Variants in NEMP2 observed in about 807,000 individuals in gnomAD.
NEMP2 encodes the protein UPF0571 transmembrane protein.
A neutral mutation model predicts 54.2 loss-of-function variants in NEMP2; 53 were observed. The observed-to-expected ratio is 0.98, with a 90% confidence interval of 0.78 to 1.23. The LOEUF (loss-of-function observed/expected upper bound fraction) is 1.23. Among genes scored for constraint, NEMP2 ranks in the 50% most tolerant of loss-of-function variants. NEMP2 has a pLI of 0.00. For missense variants in NEMP2, 455 were observed against 511.3 expected (o/e 0.89, Z 1.06); for synonymous variants, 197 against 190.3 (o/e 1.04, Z -0.29).
chr2:190,475,091 A>G, the NEMP2 span, among the ~76,000 whole-genome samples: 3 of 152,164 alleles, frequency 2.0e-5, no homozygotes, highest in Non-Finnish European at 1.5e-5. Context: ...ATCTATGACA[A>G]ACCCACAGCC....
the NEMP2 span, among the ~76,000 whole-genome samples, chr2:190,601,422 C>G: frequency 6.6e-6 from 1 of 152,130 alleles, no homozygotes; most frequent in African/African-American, 2.4e-5. The surrounding 1 kb of genome is among the most constrained non-coding windows in gnomAD (Gnocchi z 5.8). Context: ...CCCTAGGAAA[C>G]TAATGCTGTG....
In NEMP2 at chr2:190,510,179, C is replaced by T. The variant is rs1239005780; in HGVS notation, c.1130+182G>A. ...AACATCAGATAAATATTTATTCTGA[C>T]ATCAGCAGTTCTACTGTGCAAAGTC... On this transcript the variant is annotated intron_variant, in intron 8 of 8. Transcript: ENST00000409150. This position sits in a 1 kb window ranked among gnomAD's most constrained non-coding sequence, Gnocchi z 5.7. Among the ~76,000 whole-genome samples the T allele has an allele frequency of 6.6e-6, 1 of 152,304 alleles. No homozygotes were observed. Among genetic ancestry groups the T allele is most frequent in the East Asian group, 1.9e-4 (1 of 5,178 alleles).
At chr2:190,504,148 C>T (rs186569132), downstream of NEMP2, among the ~76,000 whole-genome samples, 127 of 152,246 alleles carry the variant, frequency 8.3e-4, 2 homozygotes, top group Middle Eastern at 0.01. This position sits in a 1 kb window ranked among gnomAD's most constrained non-coding sequence, Gnocchi z 5.6. Context: ...TGAGAACTTA[C>T]ACACACATAG....
At chr2:190,613,641 G>A in the NEMP2 span, among the ~76,000 whole-genome samples, 2 of 152,056 alleles carry the variant, frequency 1.3e-5, no homozygotes, top group East Asian at 1.9e-4. Flanking sequence ...AGGCTGGAGT[G>A]CAAGTGGCAA....
At chr2:190,546,212 GA>G in the NEMP2 span, among the ~76,000 whole-genome samples, 2 of 147,228 alleles carry the variant, frequency 1.4e-5, no homozygotes, top group Non-Finnish European at 1.5e-5. This position sits in a 1 kb window ranked among gnomAD's most constrained non-coding sequence, Gnocchi z 5.1. Flanking sequence ...ACCACAGACA[GA>G]AAATTTTTTT....
At chr2:190,609,720 A>G in the NEMP2 span, 1 of 152,138 alleles carries the variant, frequency 6.6e-6, no homozygotes, top group Admixed American at 6.5e-5. This position sits in a 1 kb window ranked among gnomAD's most constrained non-coding sequence, Gnocchi z 4.7. Flanking sequence ...CATGATTTCT[A>G]TCATGCTTGT....
chr2:190,508,619 C>T lies in NEMP2; in HGVS notation c.*570G>A, dbSNP rs1414181403. On this transcript the variant is annotated 3_prime_UTR_variant, in exon 9 of 9. Transcript: ENST00000409150. This position sits in a 1 kb window ranked among gnomAD's most constrained non-coding sequence, Gnocchi z 4.3. Reference sequence around the variant, plus strand: ...CCCTTTGGGAGATTCACAGTGCACACGAGCATTATGAATGCCTCTGAGAGA... The same window carrying T: ...CCCTTTGGGAGATTCACAGTGCACATGAGCATTATGAATGCCTCTGAGAGA... The T allele has an allele frequency of 6.6e-6, 1 of 152,364 alleles. No individual in the cohort carries two copies. The highest frequency in any genetic ancestry group is 1.5e-5 in the Non-Finnish European group (1 of 68,154). 9.4% of individuals were successfully genotyped at this position (152,364 alleles called of 1,614,324 possible). A position where few individuals can be genotyped will look rare whatever the true frequency, so the allele number is the denominator to read the frequency against.
chr2:190,491,695 T>C, the NEMP2 span, among the ~76,000 whole-genome samples: 4 of 152,152 alleles, frequency 2.6e-5, no homozygotes, highest in African/African-American at 9.7e-5. The surrounding 1 kb of genome is among the most constrained non-coding windows in gnomAD (Gnocchi z 4.2). Flanking sequence ...TGCCATAGCC[T>C]ACCCAAATGA....
At chr2:190,631,045 T>A in the NEMP2 span, among the ~76,000 whole-genome samples, 10 of 151,602 alleles carry the variant, frequency 6.6e-5, 1 homozygote, top group East Asian at 1.5e-3. Context: ...AAAACAAATA[T>A]AAAAAATGAT....
chr2:190,485,462 G>T, the NEMP2 span, among the ~76,000 whole-genome samples: 1 of 152,084 alleles, frequency 6.6e-6, no homozygotes, highest in Non-Finnish European at 1.5e-5. This position sits in a 1 kb window ranked among gnomAD's most constrained non-coding sequence, Gnocchi z 5.1. Flanking sequence ...GTTGGATTTT[G>T]CTATTGAATC....
At chr2:190,582,497 G>A in the NEMP2 span, among the ~76,000 whole-genome samples, 1 of 152,142 alleles carries the variant, frequency 6.6e-6, no homozygotes, top group Non-Finnish European at 1.5e-5. This position sits in a 1 kb window ranked among gnomAD's most constrained non-coding sequence, Gnocchi z 4.6. Flanking sequence ...AAACTATGAT[G>A]TAAGGCTTTC....
the NEMP2 span, among the ~76,000 whole-genome samples, chr2:190,585,845 T>C: frequency 6.6e-6 from 1 of 152,162 alleles, no homozygotes; most frequent in Non-Finnish European, 1.5e-5. This position sits in a 1 kb window ranked among gnomAD's most constrained non-coding sequence, Gnocchi z 5.3. Flanking sequence ...CATCAGGCTG[T>C]TGGGCTCTAG....
chr2:190,500,274 A>AG, downstream of NEMP2: 1 of 1,588,948 alleles, frequency 6.3e-7, no homozygotes. The surrounding 1 kb of genome is among the most constrained non-coding windows in gnomAD (Gnocchi z 5.3). Flanking sequence ...GCCAGGACAC[A>AG]GGGTGAGGCC....
At chr2:190,634,585 C>T in the NEMP2 span, among the ~76,000 whole-genome samples, 1 of 152,216 alleles carries the variant, frequency 6.6e-6, no homozygotes, top group Admixed American at 6.5e-5. This position sits in a 1 kb window ranked among gnomAD's most constrained non-coding sequence, Gnocchi z 6.8. Context: ...AGTCATGATA[C>T]ATGTGAGGCC....
the NEMP2 span, among the ~76,000 whole-genome samples, chr2:190,554,264 T>C: frequency 6.6e-6 from 1 of 152,106 alleles, no homozygotes; most frequent in Non-Finnish European, 1.5e-5. The surrounding 1 kb of genome is among the most constrained non-coding windows in gnomAD (Gnocchi z 5.7). Flanking sequence ...GCAGGAGTTT[T>C]TTTTTCATAC....
At chr2:190,632,066 AAAAAGAAAAG>A in the NEMP2 span, among the ~76,000 whole-genome samples, 2 of 152,198 alleles carry the variant, frequency 1.3e-5, no homozygotes, top group Admixed American at 6.5e-5. The surrounding 1 kb of genome is among the most constrained non-coding windows in gnomAD (Gnocchi z 4.8). Context: ...CAAAAAAAGA[AAAAAGAAAAG>A]AAAAGAAAAG....
At position 190,508,083 on chromosome 2, in the gene NEMP2, T is replaced by TAA. The variant is rs1553528743; in HGVS notation, c.*1104_*1105dup. ...TGAATCAAGAAAAAAAATCATTTTATAAGAAATTGTTACAAACACCTATAG... is the reference window on the plus strand; with the variant it reads ...TGAATCAAGAAAAAAAATCATTTTATAAAAGAAATTGTTACAAACACCTATAG... On this transcript the variant is annotated 3_prime_UTR_variant, in exon 9 of 9. Transcript: ENST00000409150. The surrounding 1 kb of genome is among the most constrained non-coding windows in gnomAD (Gnocchi z 4.3). 1 of 152,204 alleles carries TAA rather than the reference T, an allele frequency of 6.6e-6. No homozygotes were observed. Among genetic ancestry groups the TAA allele is most frequent in the Non-Finnish European group, 1.5e-5 (1 of 68,040 alleles). The allele number at this position is 152,204 out of a possible 1,614,324, so 9.4% of individuals were successfully genotyped here. A position where few individuals can be genotyped will look rare whatever the true frequency, so the allele number is the denominator to read the frequency against.
the NEMP2 span, chr2:190,436,507 G>A: frequency 7.4e-6 from 12 of 1,614,056 alleles, no homozygotes; most frequent in South Asian, 1.2e-4. The surrounding 1 kb of genome is among the most constrained non-coding windows in gnomAD (Gnocchi z 5.3). Flanking sequence ...CTTGAGATGT[G>A]TACCAAAGAT....
intron 1 of NEMP2, among the ~76,000 whole-genome samples, chr2:190,526,038 G>C (rs577603302): frequency 6.6e-6 from 1 of 152,260 alleles, no homozygotes; most frequent in African/African-American, 2.4e-5. Context: ...TAAAGATATG[G>C]ACAGGGTTAA....
Sources: gnomAD v4.1 joint callset for allele counts (sites outside exome capture counted in the v4.1 genomes callset) on GRCh38, gnomAD v4.1.1 for gene constraint, Gnocchi (gnomAD v3.1) non-coding constraint, MANE v1.5 for transcripts, NCBI Gene and HGNC (gene_info 2026-07-23, HGNC 2026-07-21) for gene names.